Variants in TRMT1L observed in about 807,000 individuals in gnomAD.
TRMT1L encodes tRNA methyltransferase 1L.
A neutral mutation model predicts 81.6 loss-of-function variants in TRMT1L; 28 were observed. That is an observed-to-expected ratio of 0.34 (90% confidence interval 0.25 to 0.47). The LOEUF (loss-of-function observed/expected upper bound fraction) is 0.47. Ranked by LOEUF, TRMT1L falls within the 20% of genes least tolerant of loss-of-function variation. The pLI is 1.00. For synonymous variants in TRMT1L, 301 were observed against 303.2 expected (o/e 0.99, Z 0.07); for missense variants, 739 against 877.1 (o/e 0.84, Z 1.99).
In TRMT1L at chr1:185,156,466, T is replaced by C. The variant is rs1279803933; in HGVS notation, c.235+12A>G. ...CTTCTGCAGCAGAAAGATCTGGGCC[T>C]TCTGCACTTACTGCTTTTAGCCTCC... On this transcript the variant is annotated intron_variant, in intron 1 of 14. Transcript: ENST00000367506. 1.2e-6 allele frequency: 2 copies of C among 1,613,908 alleles called. No homozygotes were observed. Among genetic ancestry groups the C allele is most frequent in the Non-Finnish European group, 1.7e-6 (2 of 1,179,856 alleles).
At chr1:185,122,583 A>C (rs1451153192) in intron 13 of TRMT1L, among the ~76,000 whole-genome samples, 2 of 151,966 alleles carry the variant, frequency 1.3e-5, no homozygotes, top group Non-Finnish European at 2.9e-5. Flanking sequence ...TTTATGTTTT[A>C]CTTTATTCTA....
At chr1:185,130,633 A>G (rs1383882117) in intron 10 of TRMT1L, among the ~76,000 whole-genome samples, 1 of 152,162 alleles carries the variant, frequency 6.6e-6, no homozygotes, top group Non-Finnish European at 1.5e-5. Flanking sequence ...TCTGGTTACA[A>G]TTTTTTAAAG....
In TRMT1L at chr1:185,128,717, C is replaced by G; in HGVS notation, c.1544G>C (p.Cys515Ser). The G allele has an allele frequency of 6.2e-7, 1 of 1,610,640 alleles. No individual in the cohort carries two copies. Among genetic ancestry groups the G allele is most frequent in the Non-Finnish European group, 8.5e-7 (1 of 1,179,002 alleles). The change falls in exon 11 of 15, where the codon TGT becomes TCT. Residue 515 changes from cysteine to serine, a missense_variant. Physicochemically the swap from Cys to Ser is moderately radical, Grantham distance 112 (BLOSUM62 -1). Transcript: ENST00000367506. Reference sequence around the variant, plus strand: ...TGTCTTTCCAGGCATGCTTCCATGACAGTTACAAGGCAGCTGTCTATATGG... The same window carrying G: ...TGTCTTTCCAGGCATGCTTCCATGAGAGTTACAAGGCAGCTGTCTATATGG... ...ENPYRQLPCN[C>S]HGSMPGKTAI...
chr1:185,140,221 C>T lies in TRMT1L; in HGVS notation c.861G>A (p.Gly287=), dbSNP rs761455021. Residue 287 remains glycine (G), a splice_region_variant and synonymous_variant, in exon 8 of 15, where the codon GGG becomes GGA. Transcript: ENST00000367506. ...LECLDAFGAT[G]IMGLQWAKHL... is the part of the protein sequence containing the mutation. ...GTTTTGCCCACTGTAATCCCATTAT[C>T]CCTTAGGAAAAATGGGAAGAAAATG... is the stretch of plus-strand genomic sequence containing the variant. 1.9e-6 allele frequency: 3 copies of T among 1,593,464 alleles called. No individual in the cohort carries two copies. In the African/African-American group the frequency reaches 4.1e-5, roughly 22 times the overall value.
intron 6 of TRMT1L, 141 bp downstream of exon 6, chr1:185,143,765 C>A: frequency 1.3e-6 from 1 of 759,326 alleles, no homozygotes; most frequent in Non-Finnish European, 1.9e-6. Context: ...AGAAACAATT[C>A]TTCTGAGAAA....
intron 6 of TRMT1L, 39 bp downstream of exon 6, chr1:185,143,866 AT>A: frequency 6.5e-7 from 1 of 1,547,444 alleles, no homozygotes; most frequent in South Asian, 1.2e-5. Context: ...ACTTATAATA[AT>A]TTGAAACATC....
intron 1 of TRMT1L, among the ~76,000 whole-genome samples, chr1:185,153,139 A>G (rs1407557): frequency 0.5 from 76,248 of 152,056 alleles, 20,394 homozygotes; most frequent in African/African-American, 0.7. Context: ...AAATTTCTCA[A>G]TCATTACATA....
intron 1 of TRMT1L, 132 bp downstream of exon 1, chr1:185,156,346 C>G (rs1404134256): frequency 6.3e-7 from 1 of 1,599,624 alleles, no homozygotes; most frequent in Non-Finnish European, 8.5e-7. Flanking sequence ...ACGGGCCCCT[C>G]TTTCCTCCCC....
In TRMT1L at chr1:185,123,905, A is replaced by T. The variant is rs941645198; in HGVS notation, c.1774T>A (p.Phe592Ile). The T allele has an allele frequency of 7.3e-6, 11 of 1,505,478 alleles. No homozygotes were observed. Among genetic ancestry groups the T allele is most frequent in the South Asian group, 1.3e-5 (1 of 77,758 alleles). The allele number at this position is 1,505,478 out of a possible 1,614,324, so 93.3% of individuals were successfully genotyped here. Residue 592 changes from phenylalanine to isoleucine, a missense_variant, in exon 13 of 15, where the codon TTT becomes ATT. Phe to Ile is a conservative substitution (Grantham distance 21). Around this residue, in one of 4 missense-constraint regions of TRMT1L, gnomAD observed 196 missense variants for 232.6 expected, o/e 0.84. Transcript: ENST00000367506. ...NVNKQEENGV[F>I]IKTTDDTTTD... ...GTGGTGTCATCTGTAGTTTTAATAA[A>T]TACACCATTTTCTTCTAAAAAATAA...
Position 185,119,866 on chromosome 1 carries a change from G to A in TRMT1L, c.*153C>T. 1 of 954,084 alleles carries A rather than the reference G, an allele frequency of 1.0e-6. No individual in the cohort carries two copies. The allele number at this position is 954,084 out of a possible 1,614,324, so 59.1% of individuals were successfully genotyped here. On this transcript the variant is annotated 3_prime_UTR_variant, in exon 15 of 15. Transcript: ENST00000367506. ...CTTGGAAAGCAAAGCTCCCAAACCA[G>A]CTAAGTTAGAAACTGCTCAGTTTCT... is the stretch of plus-strand genomic sequence containing the variant.
intron 11 of TRMT1L, among the ~76,000 whole-genome samples, chr1:185,127,759 CA>C (rs986438990): frequency 0.044 from 1,605 of 36,456 alleles, 13 homozygotes; most frequent in African/African-American, 0.13. Context: ...AACTCTGTCT[CA>C]AAAAAAAAAA....
Position 185,156,523 on chromosome 1 carries a change from C to T in TRMT1L, c.190G>A (p.Ala64Thr), listed in dbSNP as rs759545650. ...APAPALAQAP[A>T]LSPSLASAPE... ...GCAGAGGCTAGGGACGGGGACAGGG[C>T]CGGAGCCTGGGCCAGGGCAGGGGCT... Residue 64 changes from alanine to threonine, a missense_variant, in exon 1 of 15, where the codon GCC becomes ACC. Ala to Thr is a moderately conservative substitution (Grantham distance 58). Coordinates refer to ENST00000367506, the MANE Select transcript of TRMT1L (RefSeq NM_030934.5). 1.4e-5 allele frequency: 23 copies of T among 1,613,154 alleles called. No homozygotes were observed. The East Asian group carries it at 3.3e-4, about 23-fold the overall frequency.
Position 185,118,143 on chromosome 1 carries a change from C to A in TRMT1L, c.*1876G>T, listed in dbSNP as rs1468927293. ...TAATGAAAGGATACAACTGATGCTACTTTACAACATGATAAACATTTGCAA... is the reference window on the plus strand; with the variant it reads ...TAATGAAAGGATACAACTGATGCTAATTTACAACATGATAAACATTTGCAA... On this transcript the variant is annotated 3_prime_UTR_variant, in exon 15 of 15. Transcript: ENST00000367506. The A allele has an allele frequency of 6.6e-6, 1 of 152,174 alleles. No homozygotes were observed. The highest frequency in any genetic ancestry group is 2.4e-5 in the African/African-American group (1 of 41,434). 9.4% of individuals were successfully genotyped at this position (152,174 alleles called of 1,614,324 possible).
In TRMT1L at chr1:185,137,719, C is replaced by T. The variant is rs144963644; in HGVS notation, c.1400G>A (p.Arg467Lys). Reference sequence around the variant, plus strand: ...TGCTGAAGTAGGTCCCCTCAAAACTCTCACAACTACCAACACAAAATGTTC... The same window carrying T: ...TGCTGAAGTAGGTCCCCTCAAAACTTTCACAACTACCAACACAAAATGTTC... ...ALEHFVLVVV[R>K]VLRGPTSADE... The change falls in exon 10 of 15, where the codon AGA (arginine) becomes AAA (lysine). Residue 467 changes from arginine to lysine, a missense_variant. By Grantham distance (26) the Arg-to-Lys change is conservative (BLOSUM62 2). Around this residue, in one of 4 missense-constraint regions of TRMT1L, gnomAD observed 331 missense variants for 462.2 expected, o/e 0.72. Transcript: ENST00000367506. The T allele has an allele frequency of 2.5e-6, 4 of 1,614,012 alleles. No individual in the cohort carries two copies. The highest frequency in any genetic ancestry group is 3.4e-6 in the Non-Finnish European group (4 of 1,180,028).
chr1:185,139,474 T>A lies in TRMT1L; in HGVS notation c.1215A>T (p.Leu405Phe). ...GGGCAACATGCTGTGCCTTGGCATA[T>A]AAAGAACTGATATCTGTAGAAGTCA... ...VSVTSTDISS[L>F]YAKAQHVARR... Residue 405 changes from leucine (L) to phenylalanine (F), a missense_variant, in exon 9 of 15, where the codon TTA (leucine) becomes TTT (phenylalanine). Leu to Phe is a conservative substitution (Grantham distance 22). Coordinates refer to ENST00000367506, the MANE Select transcript of TRMT1L (RefSeq NM_030934.5). 6.2e-7 allele frequency: 1 copy of A among 1,614,176 alleles called. No homozygotes were observed. The highest frequency in any genetic ancestry group is 8.5e-7 in the Non-Finnish European group (1 of 1,180,002).
rs754313953 is a variant in TRMT1L at position 185,156,520 on chromosome 1, G to C, written c.193C>G (p.Leu65Val). The change falls in exon 1 of 15, where the codon CTG becomes GTG. Residue 65 changes from leucine (L) to valine (V), a missense_variant. Physicochemically the swap from Leu to Val is conservative, Grantham distance 32. Coordinates refer to ENST00000367506, the MANE Select transcript of TRMT1L (RefSeq NM_030934.5). ...GGGGCAGAGGCTAGGGACGGGGACA[G>C]GGCCGGAGCCTGGGCCAGGGCAGGG... The part of the protein sequence containing the change: ...PAPALAQAPA[L>V]SPSLASAPEE... The C allele has an allele frequency of 1.9e-6, 3 of 1,613,380 alleles. No homozygotes were observed. Among genetic ancestry groups the C allele is most frequent in the Middle Eastern group, 1.6e-4 (1 of 6,082 alleles).
At chr1:185,126,484 C>T (rs553236942) in intron 11 of TRMT1L, among the ~76,000 whole-genome samples, 5 of 152,160 alleles carry the variant, frequency 3.3e-5, no homozygotes, top group African/African-American at 1.2e-4. Flanking sequence ...TCTATATATC[C>T]TCAATGTATG....
In TRMT1L at chr1:185,119,985, A is replaced by G. The variant is rs2102224370; in HGVS notation, c.*34T>C. The G allele has an allele frequency of 6.2e-7, 1 of 1,607,660 alleles. No homozygotes were observed. The highest frequency in any genetic ancestry group is 2.2e-5 in the East Asian group (1 of 44,864). The stretch of plus-strand genomic sequence containing the variant: ...GGTATAGAGAACTATTAGGCCATCT[A>G]TACAGACACCTGAGAACCAATTCTT... On this transcript the variant is annotated 3_prime_UTR_variant, in exon 15 of 15. Transcript: ENST00000367506.
chr1:185,135,589 C>A lies in TRMT1L; in HGVS notation c.1513+2017G>T, dbSNP rs1469674549. Among the ~76,000 whole-genome samples the A allele has an allele frequency of 2.6e-5, 4 of 151,852 alleles. No individual in the cohort carries two copies. In the South Asian group the frequency reaches 8.3e-4, roughly 32 times the overall value. ...ATTATTAGACAACACTTAGCTCAAC[C>A]CTATGTAAATAAAACAGAAATGCTA... On this transcript the variant is annotated intron_variant, in intron 10 of 14. Coordinates refer to ENST00000367506, the MANE Select transcript of TRMT1L (RefSeq NM_030934.5).
Sources: gnomAD v4.1 joint callset for allele counts (sites outside exome capture counted in the v4.1 genomes callset) on GRCh38, gnomAD v4.1.1 for gene constraint, gnomAD v4.1.1 regional missense constraint, MANE v1.5 for transcripts, NCBI Gene and HGNC (gene_info 2026-07-23, HGNC 2026-07-21) for gene names.